TMEM50A: variants seen among roughly 807,000 people sequenced by gnomAD.
TMEM50A encodes cervical cancer oncogene 9.
A neutral mutation model predicts 23.9 loss-of-function variants in TMEM50A; 8 were observed. The ratio of observed to expected loss-of-function variants is 0.33; its 90% CI spans 0.20 to 0.60. The LOEUF is 0.60. Among genes scored for constraint, TMEM50A ranks in the 20% least tolerant of loss-of-function variants. The pLI is 0.81. For missense variants in TMEM50A, 178 were observed against 192.7 expected (o/e 0.92, Z 0.45); for synonymous variants, 55 against 60.4 (o/e 0.91, Z 0.41).
rs1645337842 is a variant in TMEM50A at position 25,356,843 on chromosome 1, A to G, written c.418A>G (p.Ile140Val). 6.3e-7 allele frequency: 1 copy of G among 1,588,076 alleles called. No individual in the cohort carries two copies. The highest frequency in any genetic ancestry group is 1.4e-5 in the African/African-American group (1 of 73,304). ...GIAVFFQNAF[I>V]FFGGLVFKFG... ...TGCTGTATTTTTCCAGAATGCCTTCATCTTTTTTGGGTAAGTTTGTTTTGC... is the reference window on the plus strand; with the variant it reads ...TGCTGTATTTTTCCAGAATGCCTTCGTCTTTTTTGGGTAAGTTTGTTTTGC... The change falls in exon 6 of 7, where the codon ATC becomes GTC. Residue 140 changes from isoleucine to valine, a missense_variant. Physicochemically the swap from Ile to Val is conservative, Grantham distance 29. Coordinates refer to ENST00000374358, the MANE Select transcript of TMEM50A (RefSeq NM_014313.4).
intron 3 of TMEM50A, among the ~76,000 whole-genome samples, chr1:25,350,867 C>G (rs1295168244): frequency 2.0e-5 from 3 of 151,930 alleles, no homozygotes; most frequent in Non-Finnish European, 4.4e-5. Flanking sequence ...GACCACTGCT[C>G]TAGAGAGTAT....
intron 3 of TMEM50A, among the ~76,000 whole-genome samples, chr1:25,351,213 G>A (rs1445928141): frequency 6.6e-6 from 1 of 150,994 alleles, no homozygotes; most frequent in East Asian, 2.0e-4. Flanking sequence ...CCAGTCATAT[G>A]AACTCTTTAC....
intron 2 of TMEM50A, 101 bp downstream of exon 2, chr1:25,340,680 C>A: frequency 5.6e-6 from 4 of 709,132 alleles, no homozygotes; most frequent in Non-Finnish European, 6.7e-6. Flanking sequence ...TTTATTTTAT[C>A]TTTGACCACT....
intron 3 of TMEM50A, among the ~76,000 whole-genome samples, chr1:25,348,036 A>AG (rs1645236962): frequency 6.6e-6 from 1 of 152,212 alleles, no homozygotes; most frequent in Non-Finnish European, 1.5e-5. Context: ...CTGACTATGG[A>AG]GGGGAATTAT....
In TMEM50A at chr1:25,351,640, C is replaced by G. The variant is rs780839465; in HGVS notation, c.221C>G (p.Ser74Trp). The G allele has an allele frequency of 3.7e-6, 6 of 1,612,384 alleles. No individual in the cohort carries two copies. Among genetic ancestry groups the G allele is most frequent in the East Asian group, 2.2e-5 (1 of 44,832 alleles). The change falls in exon 4 of 7, where the codon TCG (serine) becomes TGG (tryptophan). Residue 74 changes from serine (S) to tryptophan (W), a missense_variant. Ser to Trp is a radical substitution (Grantham distance 177, BLOSUM62 -3). Coordinates refer to ENST00000374358, the MANE Select transcript of TMEM50A (RefSeq NM_014313.4). The stretch of plus-strand genomic sequence containing the variant: ...TATTCATACAGGATTAATGCAGTAT[C>G]GAATGGACAAGTCCGAGGTGATAGT... ...TIAFLMINAV[S>W]NGQVRGDSYS...
rs1211585651 is a variant in TMEM50A, at chr1:25,351,712, C to T, written c.274+19C>T. On this transcript the variant is annotated intron_variant, in intron 4 of 6. Transcript: ENST00000374358. ...CAAACAGGTAAATAGGTGCAAACAG[C>T]ATCTTATTATACATGCTTAAATCCT... 2 of 1,602,886 alleles carry T rather than the reference C, an allele frequency of 1.2e-6. No homozygotes were observed. The highest frequency in any genetic ancestry group is 8.5e-7 in the Non-Finnish European group (1 of 1,174,366).
chr1:25,356,025 C>G (rs868531748), intron 5 of TMEM50A, among the ~76,000 whole-genome samples: 5 of 152,320 alleles, frequency 3.3e-5, no homozygotes, highest in Middle Eastern at 3.4e-3. Flanking sequence ...CTCTCCATTG[C>G]TACCACCCTG....
At chr1:25,346,420 G>A (rs1645218048) in intron 3 of TMEM50A, among the ~76,000 whole-genome samples, 1 of 151,622 alleles carries the variant, frequency 6.6e-6, no homozygotes, top group South Asian at 2.1e-4. Flanking sequence ...TTTAGAAGTA[G>A]GGCCTCGCTT....
At chr1:25,355,862 C>CT (rs1343150762) in intron 5 of TMEM50A, among the ~76,000 whole-genome samples, 2 of 152,232 alleles carry the variant, frequency 1.3e-5, no homozygotes, top group African/African-American at 4.8e-5. Context: ...GCTGGCTACT[C>CT]TATCTTTCCA....
intron 5 of TMEM50A, among the ~76,000 whole-genome samples, chr1:25,355,673 G>C (rs746352715): frequency 6.6e-6 from 1 of 152,178 alleles, no homozygotes; most frequent in African/African-American, 2.4e-5. Flanking sequence ...ATGTTAATCA[G>C]ATTAACCAAA....
chr1:25,340,790 C>T (rs1645159404), intron 2 of TMEM50A, among the ~76,000 whole-genome samples: 1 of 152,164 alleles, frequency 6.6e-6, no homozygotes, highest in Non-Finnish European at 1.5e-5. Flanking sequence ...GTTGTTTTAA[C>T]TGCATGGTAA....
At position 25,358,313 on chromosome 1, in the gene TMEM50A, T is replaced by C. The variant is rs936672435; in HGVS notation, c.428+1460T>C. On this transcript the variant is annotated intron_variant, in intron 6 of 6. Coordinates refer to ENST00000374358, the MANE Select transcript of TMEM50A (RefSeq NM_014313.4). ...TGAGGTATCACCAGACATTTCCATA[T>C]GCAGGAAATTGGTGTTTTGTGTATT... 2.0e-5 allele frequency among the ~76,000 whole-genome samples: 3 copies of C among 152,216 alleles called. No individual in the cohort carries two copies. The South Asian group carries it at 6.2e-4, about 31-fold the overall frequency.
At chr1:25,348,549 G>A (rs1645243018) in intron 3 of TMEM50A, among the ~76,000 whole-genome samples, 1 of 152,028 alleles carries the variant, frequency 6.6e-6, no homozygotes, top group Admixed American at 6.6e-5. Flanking sequence ...GCTGGGTGTG[G>A]TGACACGCGC....
rs1045072785 is a variant in TMEM50A, at chr1:25,360,691, G to T, written c.460G>T (p.Asp154Tyr). 1 of 1,613,948 alleles carries T rather than the reference G, an allele frequency of 6.2e-7. No homozygotes were observed. The highest frequency in any genetic ancestry group is 8.5e-7 in the Non-Finnish European group (1 of 1,180,008). ...GLVFKFGRTE[D>Y]LWQ ...GGTTTTTAAGTTTGGCCGCACTGAA[G>T]ACTTATGGCAGTGAACACATCTGAT... Residue 154 changes from aspartate (D) to tyrosine (Y), a missense_variant, in exon 7 of 7, where the codon GAC becomes TAC. Transcript: ENST00000374358.
chr1:25,343,013 T>G lies in TMEM50A; in HGVS notation c.146T>G (p.Met49Arg). 2 of 1,613,816 alleles carry G rather than the reference T, an allele frequency of 1.2e-6. No homozygotes were observed. The highest frequency in any genetic ancestry group is 1.7e-6 in the Non-Finnish European group (2 of 1,179,882). Reference sequence around the variant, plus strand: ...GATGCAGCTGTTATTTATCCCACCATGAAAGATTTCAACCACTCATACCAT... The same window carrying G: ...GATGCAGCTGTTATTTATCCCACCAGGAAAGATTTCAACCACTCATACCAT... Reference protein sequence around the residue: ...IIDAAVIYPTMKDFNHSYHAC... With the variant: ...IIDAAVIYPTRKDFNHSYHAC... Residue 49 changes from methionine to arginine, a missense_variant, in exon 3 of 7, where the codon ATG becomes AGG. Physicochemically the swap from Met to Arg is moderately conservative, Grantham distance 91 (BLOSUM62 -1). Coordinates refer to ENST00000374358, the MANE Select transcript of TMEM50A (RefSeq NM_014313.4).
At chr1:25,346,480 C>CA (rs1645219012) in intron 3 of TMEM50A, among the ~76,000 whole-genome samples, 1 of 152,132 alleles carries the variant, frequency 6.6e-6, no homozygotes, top group Non-Finnish European at 1.5e-5. Context: ...ACTACTGTCT[C>CA]AAAATCCTGG....
rs939658066 is a variant in TMEM50A, at chr1:25,338,399, A to T, written c.-71A>T. The T allele has an allele frequency of 2.0e-5, 3 of 153,512 alleles. No homozygotes were observed. The highest frequency in any genetic ancestry group is 4.3e-5 in the Non-Finnish European group (3 of 69,306). The allele number at this position is 153,512 out of a possible 1,614,324, so 9.5% of individuals were successfully genotyped here. On this transcript the variant is annotated 5_prime_UTR_variant, in exon 1 of 7. Coordinates refer to ENST00000374358, the MANE Select transcript of TMEM50A (RefSeq NM_014313.4). ...TTTCTTGGCTAAAATCGGGGGAGTG[A>T]GGCGGGCCGGCGCGGCGCGACACCG... is the stretch of plus-strand genomic sequence containing the variant.
intron 4 of TMEM50A, among the ~76,000 whole-genome samples, 180 bp downstream of exon 4, chr1:25,351,873 G>A (rs915809836): frequency 1.3e-5 from 2 of 152,012 alleles, no homozygotes; most frequent in African/African-American, 2.4e-5. Context: ...CATTCTATTT[G>A]CCGTGCTTTA....
chr1:25,357,627 T>C (rs2124263671), intron 6 of TMEM50A, among the ~76,000 whole-genome samples: 1 of 150,580 alleles, frequency 6.6e-6, no homozygotes, highest in South Asian at 2.1e-4. Context: ...TGTGTGTGTG[T>C]GTGTGTGTGT....
Sources: gnomAD v4.1 joint callset for allele counts (sites outside exome capture counted in the v4.1 genomes callset) on GRCh38, gnomAD v4.1.1 for gene constraint, MANE v1.5 for transcripts, NCBI Gene and HGNC (gene_info 2026-07-23, HGNC 2026-07-21) for gene names.